Variants in ERBB4 observed in about 807,000 individuals in gnomAD.
ERBB4 encodes the protein erb-b2 receptor tyrosine kinase 4.
A neutral mutation model predicts 158.0 loss-of-function variants in ERBB4; 42 were observed. That is an observed-to-expected ratio of 0.27 (90% CI 0.21 to 0.34). ERBB4 has a LOEUF of 0.34. ERBB4 is among the 10% of genes least tolerant of loss of function. ERBB4 has a pLI of 1.00. For missense variants in ERBB4, 1,333 were observed against 1,624.1 expected, an observed-to-expected ratio of 0.82 and a Z score of 3.08; for synonymous variants, 583 against 558.7, an observed-to-expected ratio of 1.04 and a Z score of -0.61.
At chr2:211,496,189 T>C (rs1043051551) in intron 20 of ERBB4, among the ~76,000 whole-genome samples, 1 of 152,066 alleles carries the variant, frequency 6.6e-6, no homozygotes, top group Non-Finnish European at 1.5e-5. Flanking sequence ...GTATTTGAAC[T>C]TTTTCTCTTT....
chr2:212,122,105 T>C (rs2079770576), intron 2 of ERBB4, among the ~76,000 whole-genome samples: 2 of 151,208 alleles, frequency 1.3e-5, no homozygotes, highest in Admixed American at 6.6e-5. Context: ...CAAACACATA[T>C]ATATCACATA....
chr2:212,460,982 T>C (rs13389790), intron 1 of ERBB4, among the ~76,000 whole-genome samples: 52,711 of 152,068 alleles, frequency 0.35, 9,688 homozygotes, highest in Non-Finnish European at 0.4. Flanking sequence ...GCCATGCATT[T>C]CAGCTGCTAC....
intron 16 of ERBB4, among the ~76,000 whole-genome samples, chr2:211,654,676 T>G (rs2071144252): frequency 6.6e-6 from 1 of 152,176 alleles, no homozygotes; most frequent in Admixed American, 6.5e-5. Flanking sequence ...CACACCAATC[T>G]TAAGGGTTAT....
intron 1 of ERBB4, among the ~76,000 whole-genome samples, chr2:212,206,240 C>A (rs374353415): frequency 6.6e-6 from 1 of 152,074 alleles, no homozygotes; most frequent in African/African-American, 2.4e-5. Context: ...CTGACACAAG[C>A]TGGGGAGGGT....
chr2:212,196,324 CATT>C (rs1358590269), intron 1 of ERBB4, among the ~76,000 whole-genome samples: 1 of 151,826 alleles, frequency 6.6e-6, no homozygotes, highest in Non-Finnish European at 1.5e-5. Flanking sequence ...GGAAGCAGAT[CATT>C]ATAACGGTCT....
intron 3 of ERBB4, among the ~76,000 whole-genome samples, chr2:211,814,786 G>C (rs534165684): frequency 1.4e-4 from 21 of 152,254 alleles, no homozygotes; most frequent in African/African-American, 4.6e-4. Flanking sequence ...AAATCAATCT[G>C]AAAGTTTCTC....
At chr2:211,937,162 T>G (rs1380086835) in intron 3 of ERBB4, among the ~76,000 whole-genome samples, 4 of 152,206 alleles carry the variant, frequency 2.6e-5, no homozygotes, top group Non-Finnish European at 5.9e-5. Flanking sequence ...CTTTTACTTT[T>G]TCTCTTTTTA....
At chr2:212,395,453 C>T (rs2090996498) in intron 1 of ERBB4, among the ~76,000 whole-genome samples, 2 of 151,780 alleles carry the variant, frequency 1.3e-5, no homozygotes, top group South Asian at 4.2e-4. Context: ...GATACTGATA[C>T]TGAATCATGA....
At chr2:211,761,065 C>T (rs994053100) in intron 4 of ERBB4, among the ~76,000 whole-genome samples, 1 of 151,628 alleles carries the variant, frequency 6.6e-6, no homozygotes, top group Non-Finnish European at 1.5e-5. Flanking sequence ...CGTGGTGGCG[C>T]GTGCCTGTAA....
intron 1 of ERBB4, among the ~76,000 whole-genome samples, chr2:212,413,134 ATTT>A (rs370397826): frequency 0.023 from 2,294 of 101,136 alleles, 7 homozygotes; most frequent in Middle Eastern, 0.062. Context: ...TGCGTGGCTA[ATTT>A]TTTTTTTTTT....
chr2:211,629,074 C>T lies in ERBB4; in HGVS notation c.2079+1388G>A, dbSNP rs895423933. Among the ~76,000 whole-genome samples the T allele has an allele frequency of 5.3e-5, 8 of 151,916 alleles. No homozygotes were observed. The East Asian group carries it at 1.5e-3, about 29-fold the overall frequency. ...TCATTTTAGATTCTGGATATTAGCCCTTTGTCAGATGAGTAGATTGTAAAA... is the reference window on the plus strand; with the variant it reads ...TCATTTTAGATTCTGGATATTAGCCTTTTGTCAGATGAGTAGATTGTAAAA... On this transcript the variant is annotated intron_variant, in intron 17 of 27. Coordinates refer to ENST00000342788, the MANE Select transcript of ERBB4 (RefSeq NM_005235.3).
intron 1 of ERBB4, among the ~76,000 whole-genome samples, chr2:212,135,201 T>C (rs2080234702): frequency 6.6e-6 from 1 of 152,152 alleles, no homozygotes; most frequent in South Asian, 2.1e-4. Context: ...CAATAGTCTT[T>C]GAGAGCTCTC....
intron 20 of ERBB4, among the ~76,000 whole-genome samples, chr2:211,469,376 G>C (rs4255906): frequency 0.77 from 117,839 of 152,058 alleles, 45,796 homozygotes; most frequent in South Asian, 0.84. Flanking sequence ...ACACTTTCCA[G>C]CAGGAAAGTT....
intron 3 of ERBB4, among the ~76,000 whole-genome samples, chr2:211,938,884 A>C (rs775296776): frequency 2.0e-5 from 3 of 152,206 alleles, no homozygotes; most frequent in African/African-American, 7.2e-5. Context: ...CTAAACTTTT[A>C]CCAGTAAAAT....
intron 1 of ERBB4, among the ~76,000 whole-genome samples, chr2:212,222,023 C>T (rs2083306046): frequency 6.6e-6 from 1 of 151,388 alleles, no homozygotes; most frequent in Non-Finnish European, 1.5e-5. Context: ...CTCATAAATA[C>T]TTGATTAGTA....
intron 1 of ERBB4, among the ~76,000 whole-genome samples, chr2:212,355,799 T>TATGC (rs2106350687): frequency 6.6e-6 from 1 of 152,084 alleles, no homozygotes; most frequent in South Asian, 2.1e-4. Flanking sequence ...CATGTATGTA[T>TATGC]ATATGTGTGT....
chr2:212,256,503 T>C (rs2084744909), intron 1 of ERBB4, among the ~76,000 whole-genome samples: 1 of 152,184 alleles, frequency 6.6e-6, no homozygotes, highest in African/African-American at 2.4e-5. Flanking sequence ...ATAAGAAAGT[T>C]ACATGCGTTC....
chr2:211,655,160 A>C (rs1239190732), intron 16 of ERBB4, among the ~76,000 whole-genome samples: 3 of 152,082 alleles, frequency 2.0e-5, no homozygotes, highest in Admixed American at 6.5e-5. Flanking sequence ...AATTAGTATC[A>C]GTGGCCAACA....
intron 4 of ERBB4, among the ~76,000 whole-genome samples, chr2:211,772,492 A>G (rs1239317213): frequency 6.6e-6 from 1 of 151,930 alleles, no homozygotes; most frequent in Non-Finnish European, 1.5e-5. Flanking sequence ...AGATAAAGAG[A>G]CTAATCCCTA....
Sources: gnomAD v4.1 joint callset for allele counts (sites outside exome capture counted in the v4.1 genomes callset) on GRCh38, gnomAD v4.1.1 for gene constraint, MANE v1.5 for transcripts, NCBI Gene and HGNC (gene_info 2026-07-23, HGNC 2026-07-21) for gene names.